UNC13C: variants seen among roughly 807,000 people sequenced by gnomAD.
UNC13C encodes the protein unc-13 homolog C, also known as protein unc-13 homolog C.
UNC13C carries 174 observed loss-of-function variants against 245.4 expected under a neutral mutation model. The observed-to-expected ratio is 0.71, with a 90% CI of 0.63 to 0.80. The LOEUF (loss-of-function observed/expected upper bound fraction) is 0.80. Ranked by LOEUF, UNC13C falls within the 30% of genes least tolerant of loss-of-function variation. UNC13C has a pLI of 0.00. For missense variants in UNC13C, 2,829 were observed against 2,602.9 expected (o/e 1.09, Z -1.89); for synonymous variants, 992 against 895.1 (o/e 1.11, Z -1.93).
intron 19 of UNC13C, among the ~76,000 whole-genome samples, chr15:54,430,157 C>G (rs1247196299): frequency 3.3e-5 from 5 of 151,524 alleles, no homozygotes; most frequent in African/African-American, 1.2e-4. Context: ...ATTTCAGATT[C>G]TATATTCAGA....
chr15:54,166,867 T>A (rs555894154), intron 4 of UNC13C, among the ~76,000 whole-genome samples: 63 of 152,320 alleles, frequency 4.1e-4, no homozygotes, highest in Admixed American at 3.5e-3. Context: ...GCTATGTTAG[T>A]GGATTAGAAG....
intron 10 of UNC13C, among the ~76,000 whole-genome samples, chr15:54,278,691 A>G (rs2036898672): frequency 6.6e-6 from 1 of 152,142 alleles, no homozygotes; most frequent in South Asian, 2.1e-4. Context: ...TGCAAAGCAC[A>G]TACTGGATTT....
At chr15:54,145,032 T>TCCACA (rs1220996825) in intron 4 of UNC13C, among the ~76,000 whole-genome samples, 4 of 151,960 alleles carry the variant, frequency 2.6e-5, no homozygotes, top group Non-Finnish European at 4.4e-5. Flanking sequence ...GCTCAGGTGA[T>TCCACA]CCACACACCT....
intron 2 of UNC13C, among the ~76,000 whole-genome samples, chr15:54,083,041 C>T (rs1474021472): frequency 1.3e-5 from 2 of 152,102 alleles, no homozygotes; most frequent in Non-Finnish European, 2.9e-5. Context: ...ATTCAGGCTG[C>T]ATTCCAGTAG....
intron 18 of UNC13C, among the ~76,000 whole-genome samples, chr15:54,413,318 A>G (rs888048680): frequency 2.2e-4 from 34 of 152,138 alleles, no homozygotes; most frequent in African/African-American, 8.2e-4. Context: ...CTTGATTCAA[A>G]TAAATTAAAA....
At chr15:53,946,687 T>G in the UNC13C span, among the ~76,000 whole-genome samples, 1 of 150,256 alleles carries the variant, frequency 6.7e-6, no homozygotes, top group Admixed American at 6.6e-5. Flanking sequence ...TTTTTTTTTT[T>G]TTTTTTTTTT....
intron 15 of UNC13C, 93 bp downstream of exon 15, chr15:54,332,204 A>G (rs774602438): frequency 1.2e-5 from 10 of 856,546 alleles, no homozygotes; most frequent in Non-Finnish European, 1.4e-5. Context: ...TGTAATAGAA[A>G]AATAAAAATA....
intron 7 of UNC13C, 53 bp from the exon 8 acceptor site, chr15:54,250,172 A>G (rs1302775250): frequency 8.5e-6 from 13 of 1,530,956 alleles, no homozygotes; most frequent in East Asian, 2.2e-5. Context: ...ATTTTGAAAC[A>G]ATTCAAATCC....
intron 2 of UNC13C, among the ~76,000 whole-genome samples, chr15:54,116,166 T>A (rs1425644796): frequency 1.3e-5 from 2 of 152,144 alleles, no homozygotes; most frequent in African/African-American, 4.8e-5. Context: ...GATGTACATA[T>A]TTTCAAGGTA....
chr15:54,011,967 G>T (rs1895399734), intron 1 of UNC13C, among the ~76,000 whole-genome samples: 1 of 152,082 alleles, frequency 6.6e-6, no homozygotes, highest in African/African-American at 2.4e-5. Flanking sequence ...TACCAACAAA[G>T]CCTTTTGACT....
chr15:54,041,944 T>C (rs1896822664), intron 2 of UNC13C, among the ~76,000 whole-genome samples: 1 of 152,218 alleles, frequency 6.6e-6, no homozygotes, highest in South Asian at 2.1e-4. Context: ...TTGTGTAATG[T>C]TTCACAATCC....
At chr15:54,381,693 AT>A (rs1038700128) in intron 17 of UNC13C, among the ~76,000 whole-genome samples, 2 of 152,116 alleles carry the variant, frequency 1.3e-5, no homozygotes, top group African/African-American at 2.4e-5. Context: ...ACTCTTACAT[AT>A]TTTTTGTAGC....
chr15:54,041,839 A>G (rs983128883), intron 2 of UNC13C, among the ~76,000 whole-genome samples: 3 of 152,344 alleles, frequency 2.0e-5, no homozygotes, highest in African/African-American at 2.4e-5. Flanking sequence ...TTTAAAATTG[A>G]TAAAGTAATA....
chr15:53,897,346 T>G, the UNC13C span, among the ~76,000 whole-genome samples: 1 of 152,210 alleles, frequency 6.6e-6, no homozygotes, highest in Non-Finnish European at 1.5e-5. Flanking sequence ...AACCTCCTGA[T>G]TACCAGCTCA....
At chr15:54,238,071 T>C (rs2035752114) in intron 7 of UNC13C, among the ~76,000 whole-genome samples, 2 of 116,710 alleles carry the variant, frequency 1.7e-5, no homozygotes, top group Non-Finnish European at 3.2e-5. Flanking sequence ...TCAGGACTTT[T>C]ATAGGTTTTT....
chr15:54,073,705 C>T (rs1286716043), intron 2 of UNC13C, among the ~76,000 whole-genome samples: 1 of 152,004 alleles, frequency 6.6e-6, no homozygotes, highest in Non-Finnish European at 1.5e-5. Context: ...TGTCCACATC[C>T]TTTGCCTACT....
At chr15:54,510,086 T>C (rs1288106583) in intron 23 of UNC13C, among the ~76,000 whole-genome samples, 2 of 152,150 alleles carry the variant, frequency 1.3e-5, no homozygotes, top group Non-Finnish European at 1.5e-5. Context: ...TCCTGTTACA[T>C]GTGACAATAA....
chr15:53,932,379 A>G, the UNC13C span, among the ~76,000 whole-genome samples: 2 of 152,174 alleles, frequency 1.3e-5, no homozygotes, highest in Non-Finnish European at 2.9e-5. Flanking sequence ...TGACAGACCA[A>G]AATGTTTAAG....
At chr15:54,237,548 A>T (rs2035734584) in intron 6 of UNC13C, 71 bp from the exon 7 acceptor site, 1 of 1,169,972 alleles carries the variant, frequency 8.5e-7, no homozygotes, top group African/African-American at 1.5e-5. Flanking sequence ...TTGCATTTTC[A>T]CCTTCTGCTG....
Sources: gnomAD v4.1 joint callset for allele counts (sites outside exome capture counted in the v4.1 genomes callset) on GRCh38, gnomAD v4.1.1 for gene constraint, MANE v1.5 for transcripts, NCBI Gene and HGNC (gene_info 2026-07-23, HGNC 2026-07-21) for gene names.